The following MAEA variants were observed in gnomAD, a reference collection of about 807,000 sequenced individuals.
The protein encoded by MAEA is macrophage erythroblast attacher, E3 ubiquitin ligase, also known as E3 ubiquitin-protein transferase MAEA.
MAEA carries 22 observed loss-of-function variants against 46.2 expected under a neutral mutation model. That is an observed-to-expected ratio of 0.48 (90% CI 0.34 to 0.68). MAEA has a LOEUF of 0.68. Ranked by LOEUF, MAEA falls within the 30% of genes least tolerant of loss-of-function variation. The pLI, the probability that MAEA is intolerant of heterozygous loss-of-function variation, is 0.01. For missense variants in MAEA, 393 were observed against 558.1 expected (o/e 0.70, Z 2.98); for synonymous variants, 246 against 222.6 (o/e 1.11, Z -0.94).
intron 1 of MAEA, among the ~76,000 whole-genome samples, chr4:1,305,482 CT>C (rs1254064660): frequency 6.6e-6 from 1 of 152,194 alleles, no homozygotes; most frequent in Non-Finnish European, 1.5e-5. Flanking sequence ...ATTCCTGCAC[CT>C]GTATGTGGAT....
chr4:1,297,524 C>T (rs1734866131), intron 1 of MAEA, among the ~76,000 whole-genome samples: 1 of 148,920 alleles, frequency 6.7e-6, no homozygotes, highest in South Asian at 2.1e-4. Context: ...TCATTGCTGC[C>T]CTAAATAAAA....
chr4:1,323,652 C>T (rs1341250017), intron 4 of MAEA: 1 of 701,412 alleles, frequency 1.4e-6, no homozygotes, highest in South Asian at 1.5e-5. Context: ...GCCCCACACT[C>T]CCTCCCAGAG....
intron 1 of MAEA, chr4:1,309,656 C>T (rs1450568991): frequency 6.5e-7 from 1 of 1,531,660 alleles, no homozygotes; most frequent in Non-Finnish European, 8.7e-7. Flanking sequence ...GATGTGGACC[C>T]TGAGAGCCAC....
rs1412515693 is a variant in MAEA at position 1,295,298 on chromosome 4, A to G, written c.69+5316A>G. The stretch of plus-strand genomic sequence containing the variant: ...ATGATTTTTAGGTCTGTTATTTCAG[A>G]ATCGTTATAGCTAGGGGCCATTATT... On this transcript the variant is annotated intron_variant, in intron 1 of 8. Coordinates refer to ENST00000303400, the MANE Select transcript of MAEA (RefSeq NM_001017405.3). Among the ~76,000 whole-genome samples the G allele has an allele frequency of 2.6e-5, 4 of 152,256 alleles. No homozygotes were observed. The South Asian group carries it at 6.2e-4, about 24-fold the overall frequency.
At chr4:1,314,487 A>G (rs1248489505) in intron 2 of MAEA, among the ~76,000 whole-genome samples, 1 of 152,258 alleles carries the variant, frequency 6.6e-6, no homozygotes, top group East Asian at 1.9e-4. Context: ...AATGGAGCAC[A>G]GAGACTGAAA....
intron 6 of MAEA, among the ~76,000 whole-genome samples, chr4:1,333,489 CTT>C (rs1297566507): frequency 2.0e-5 from 3 of 152,158 alleles, no homozygotes; most frequent in African/African-American, 7.2e-5. Flanking sequence ...TTCCGTGGTT[CTT>C]TCTCTTGCTG....
rs1038902031 is a variant in MAEA, at chr4:1,311,415, A to G, written c.70-564A>G. 7.9e-5 allele frequency among the ~76,000 whole-genome samples: 12 copies of G among 152,364 alleles called. No individual in the cohort carries two copies. Among genetic ancestry groups the G allele is most frequent in the African/African-American group, 2.4e-4 (10 of 41,590 alleles). ...CTTGATTGGCTTATTTCCACAGGGA[A>G]TGGATGGTTCTTACGACTGGGGAAG... On this transcript the variant is annotated intron_variant, in intron 1 of 8. Transcript: ENST00000303400. This position sits in a 1 kb window ranked among gnomAD's most constrained non-coding sequence, Gnocchi z 4.4.
In MAEA at chr4:1,308,102, T is replaced by C. The variant is rs1736007889; in HGVS notation, c.70-3877T>C. Reference sequence around the variant, plus strand: ...GTGGAATGAACTAACAGGAGCCAGATGGTGTGGCTGCTGCACGCCCGCACC... The same window carrying C: ...GTGGAATGAACTAACAGGAGCCAGACGGTGTGGCTGCTGCACGCCCGCACC... On this transcript the variant is annotated intron_variant, in intron 1 of 8. Coordinates refer to ENST00000303400, the MANE Select transcript of MAEA (RefSeq NM_001017405.3). Among the ~76,000 whole-genome samples the C allele has an allele frequency of 3.7e-5, 5 of 136,614 alleles. No homozygotes were observed. In the South Asian group the frequency reaches 1.2e-3, roughly 32 times the overall value. The allele number at this position is 136,614 out of a possible 152,430, so 89.6% of individuals were successfully genotyped here.
chr4:1,297,810 C>T (rs1577131009), intron 1 of MAEA: 2 of 331,758 alleles, frequency 6.0e-6, no homozygotes, highest in East Asian at 1.7e-4. Context: ...CTTTTGTCCA[C>T]TTGCCGCATT....
Position 1,338,455 on chromosome 4 carries a change from C to T in MAEA, c.933C>T (p.Ser311=), listed in dbSNP as rs1713089582. The change falls in exon 8 of 9, where the codon AGC becomes AGT. Residue 311 remains serine (S), a synonymous_variant. Coordinates refer to ENST00000303400, the MANE Select transcript of MAEA (RefSeq NM_001017405.3). The stretch of plus-strand genomic sequence containing the variant: ...ACAAGGAGGACGGCAGCTCCAAGAG[C>T]CCTGACTGCCCTGTGTGCAGCCGCT... The part of the protein sequence containing the change: ...QCYKEDGSSK[S]PDCPVCSRSL... 2 of 1,612,982 alleles carry T rather than the reference C, an allele frequency of 1.2e-6. No individual in the cohort carries two copies. Among genetic ancestry groups the T allele is most frequent in the East Asian group, 4.5e-5 (2 of 44,886 alleles).
At chr4:1,318,316 C>T (rs77402179) in intron 3 of MAEA, among the ~76,000 whole-genome samples, 13 of 152,216 alleles carry the variant, frequency 8.5e-5, no homozygotes, top group East Asian at 5.8e-4. Context: ...AGGGAATGTG[C>T]GCTGTGTTGG....
intron 1 of MAEA, chr4:1,309,870 G>T (rs1736266037): frequency 7.6e-7 from 1 of 1,309,858 alleles, no homozygotes; most frequent in Admixed American, 3.4e-5. Context: ...TCAGCACCGC[G>T]GTGAGGCGGA....
intron 6 of MAEA, chr4:1,335,129 C>T (rs1712577909): frequency 2.0e-6 from 2 of 985,324 alleles, no homozygotes; most frequent in South Asian, 4.7e-5. Context: ...AAGTCTAAAC[C>T]TGAGGTTATT....
At chr4:1,328,451 C>A (rs796693655) in intron 5 of MAEA, among the ~76,000 whole-genome samples, 4 of 152,360 alleles carry the variant, frequency 2.6e-5, no homozygotes, top group African/African-American at 9.6e-5. Flanking sequence ...TAGGTCGTCT[C>A]ACTCACTTTC....
In MAEA at chr4:1,309,711, C is replaced by T. The variant is rs116098348; in HGVS notation, c.70-2268C>T. 3,926 of 1,525,478 alleles carry T rather than the reference C, an allele frequency of 2.6e-3. 100 individuals are homozygous for T. In the African/African-American group the frequency reaches 0.044, roughly 17 times the overall value. 94.5% of individuals were successfully genotyped at this position (1,525,478 alleles called of 1,614,324 possible). ...TCCAGTTGTGAAGACACCGTGGCCC[C>T]GGTGAGCCCCTCCCCGGCCTCCTTC... On this transcript the variant is annotated intron_variant, in intron 1 of 8. Coordinates refer to ENST00000303400, the MANE Select transcript of MAEA (RefSeq NM_001017405.3).
chr4:1,298,672 G>A (rs746268939), intron 1 of MAEA, among the ~76,000 whole-genome samples: 7 of 152,074 alleles, frequency 4.6e-5, no homozygotes, highest in African/African-American at 1.4e-4. Flanking sequence ...CCATCCTCGC[G>A]TTTCCCCCCG....
chr4:1,335,029 G>A (rs1712561380), intron 6 of MAEA: 3 of 985,416 alleles, frequency 3.0e-6, no homozygotes, highest in Non-Finnish European at 3.6e-6. Flanking sequence ...CTCCAGGTGT[G>A]GCCGTCTCCC....
chr4:1,290,318 G>A (rs1733972625), intron 1 of MAEA, among the ~76,000 whole-genome samples: 1 of 152,202 alleles, frequency 6.6e-6, no homozygotes, highest in Admixed American at 6.5e-5. Flanking sequence ...CTGGCGCCCA[G>A]GCAGACGGAG....
chr4:1,329,984 G>T (rs914362519), intron 5 of MAEA: 99 of 985,448 alleles, frequency 1.0e-4, no homozygotes, highest in Non-Finnish European at 1.1e-4. Flanking sequence ...CTAGCCTCTG[G>T]GTCCACTGGG....
Sources: allele counts gnomAD v4.1 joint callset (sites outside exome capture counted in the v4.1 genomes callset), GRCh38; gene constraint gnomAD v4.1.1; non-coding constraint Gnocchi (gnomAD v3.1); transcripts MANE v1.5; gene names NCBI Gene and HGNC (gene_info 2026-07-23, HGNC 2026-07-21).